Variants in DCUN1D4 observed in about 807,000 individuals in gnomAD.
DCUN1D4 encodes defective in cullin neddylation 1 domain containing 4, also known as DCN1-like protein 4.
Under a neutral mutation model 47.9 loss-of-function variants are expected in DCUN1D4, and 22 were observed. The ratio of observed to expected loss-of-function variants is 0.46; its 90% CI spans 0.33 to 0.66. The LOEUF is 0.66. DCUN1D4 is among the 30% of genes least tolerant of loss of function. The pLI, the probability that DCUN1D4 is intolerant of heterozygous loss-of-function variation, is 0.02. For missense variants in DCUN1D4, 301 were observed against 340.8 expected (o/e 0.88, Z 0.92); for synonymous variants, 121 against 112.2 (o/e 1.08, Z -0.50).
rs1021116905 is a variant in DCUN1D4, at chr4:51,916,779, A to G, written c.*3195A>G. 56 of 152,712 alleles carry G rather than the reference A, an allele frequency of 3.7e-4. No individual in the cohort carries two copies. Among genetic ancestry groups the G allele is most frequent in the African/African-American group, 9.9e-4 (41 of 41,578 alleles). 9.5% of individuals were successfully genotyped at this position (152,712 alleles called of 1,614,324 possible). ...TACAGCAAACTGGTTTTAGGTTTCA[A>G]TGACATTGATGTAAAATGATATCCC... On this transcript the variant is annotated 3_prime_UTR_variant, in exon 11 of 11. Coordinates refer to ENST00000334635, the MANE Select transcript of DCUN1D4 (RefSeq NM_001040402.3).
rs1240910906 is a variant in DCUN1D4 at position 51,915,052 on chromosome 4, G to A, written c.*1468G>A. The A allele has an allele frequency of 6.6e-6, 1 of 152,452 alleles. No individual in the cohort carries two copies. The highest frequency in any genetic ancestry group is 1.5e-5 in the Non-Finnish European group (1 of 67,974). 9.4% of individuals were successfully genotyped at this position (152,452 alleles called of 1,614,324 possible). A position where few individuals can be genotyped will look rare whatever the true frequency, so the allele number is the denominator to read the frequency against. ...ATGTGATGACTGGAAAAAGGTTTGGGTTATTTGGAACTCTGGCTAAAACTT... is the reference window on the plus strand; with the variant it reads ...ATGTGATGACTGGAAAAAGGTTTGGATTATTTGGAACTCTGGCTAAAACTT... On this transcript the variant is annotated 3_prime_UTR_variant, in exon 11 of 11. Transcript: ENST00000334635.
intron 1 of DCUN1D4, among the ~76,000 whole-genome samples, chr4:51,849,862 T>C (rs1310421098): frequency 2.6e-5 from 4 of 152,030 alleles, no homozygotes; most frequent in African/African-American, 9.7e-5. Context: ...TGTGTGTGTG[T>C]GCGTGTTTTA....
intron 8 of DCUN1D4, among the ~76,000 whole-genome samples, chr4:51,901,274 C>T (rs1427527483): frequency 6.6e-6 from 1 of 152,180 alleles, no homozygotes; most frequent in Admixed American, 6.5e-5. Context: ...CTCTGAGGGA[C>T]AGCCGGGGTG....
intron 8 of DCUN1D4, among the ~76,000 whole-genome samples, chr4:51,910,165 G>A (rs551943102): frequency 6.6e-6 from 1 of 152,260 alleles, no homozygotes; most frequent in South Asian, 2.1e-4. Flanking sequence ...AACACATGGA[G>A]GCTAGCTTTG....
intron 1 of DCUN1D4, among the ~76,000 whole-genome samples, chr4:51,857,942 T>C (rs1724401785): frequency 6.6e-6 from 1 of 152,184 alleles, no homozygotes; most frequent in African/African-American, 2.4e-5. Context: ...GATACAGCAA[T>C]GGGCAAGATT....
intron 1 of DCUN1D4, chr4:51,860,494 T>C (rs1291132234): frequency 2.3e-6 from 1 of 442,218 alleles, no homozygotes; most frequent in Non-Finnish European, 4.5e-6. Flanking sequence ...TACCTGAGAC[T>C]GGGTAATTTA....
the DCUN1D4 span, among the ~76,000 whole-genome samples, chr4:51,834,091 C>CTTTTTTTTTTTTTT: frequency 6.1e-5 from 3 of 49,528 alleles, no homozygotes; most frequent in African/African-American, 1.5e-4. Flanking sequence ...TCTCTCTTTT[C>CTTTTTTTTTTTTTT]TTTTCTTCTT....
intron 6 of DCUN1D4, 186 bp downstream of exon 6, chr4:51,886,824 G>A: frequency 1.7e-6 from 1 of 574,488 alleles, no homozygotes; most frequent in South Asian, 2.1e-5. Flanking sequence ...AAGTGATATG[G>A]TGTAACTACA....
At chr4:51,843,400 C>A in intron 1 of DCUN1D4, 133 bp downstream of exon 1, 16 of 1,299,464 alleles carry the variant, frequency 1.2e-5, no homozygotes, top group Admixed American at 3.9e-5. Context: ...ACCACCCCTT[C>A]CCCTCCCGGG....
In DCUN1D4 at chr4:51,895,559, TAAAAAAAAAAAAAAA is replaced by T. The variant is rs67542268; in HGVS notation, c.507-3696_507-3682del. Among the ~76,000 whole-genome samples, 3 of 88,500 alleles carry T rather than the reference TAAAAAAAAAAAAAAA, an allele frequency of 3.4e-5. No homozygotes were observed. The East Asian group carries it at 8.9e-4, about 26-fold the overall frequency. 58.1% of individuals were successfully genotyped at this position (88,500 alleles called of 152,430 possible). ...TTAAGCTAATTGTGGTGCTTAAACT[TAAAAAAAAAAAAAAA>T]AAAAAAAAAAAAAACAGTGACAATT... is the stretch of plus-strand genomic sequence containing the variant. On this transcript the variant is annotated intron_variant, in intron 7 of 10. Coordinates refer to ENST00000334635, the MANE Select transcript of DCUN1D4 (RefSeq NM_001040402.3).
intron 7 of DCUN1D4, among the ~76,000 whole-genome samples, chr4:51,897,522 G>A (rs1162918122): frequency 6.6e-6 from 1 of 152,224 alleles, no homozygotes; most frequent in Admixed American, 6.5e-5. Context: ...GGTGAAAATG[G>A]TGACTCTTGA....
intron 1 of DCUN1D4, 110 bp downstream of exon 1, chr4:51,843,377 C>G (rs1031048024): frequency 7.3e-6 from 10 of 1,376,564 alleles, no homozygotes; most frequent in Non-Finnish European, 9.5e-6. Flanking sequence ...GCGCCGGGAG[C>G]CCCTGCCTGG....
At chr4:51,898,647 C>T (rs1305795934) in intron 7 of DCUN1D4, among the ~76,000 whole-genome samples, 1 of 152,202 alleles carries the variant, frequency 6.6e-6, no homozygotes, top group Non-Finnish European at 1.5e-5. Context: ...GAAGGACACA[C>T]ATCTTGTCAG....
intron 1 of DCUN1D4, among the ~76,000 whole-genome samples, chr4:51,851,048 T>C (rs144044112): frequency 6.6e-6 from 1 of 152,322 alleles, no homozygotes; most frequent in East Asian, 1.9e-4. Flanking sequence ...TGCTTACAAT[T>C]ACTGTGTGAT....
At position 51,887,346 on chromosome 4, in the gene DCUN1D4, C is replaced by T. The variant is rs150804442; in HGVS notation, c.414+708C>T. On this transcript the variant is annotated intron_variant, in intron 6 of 10. Transcript: ENST00000334635. ...CTATCTCCTGACCTTGTGATCTGCC[C>T]GGCTCAGCCTCCCAAAGTGCTGGGA... 5.0e-3 allele frequency: 1,261 copies of T among 251,098 alleles called. 11 individuals carry two copies. Among genetic ancestry groups the T allele is most frequent in the Middle Eastern group, 0.024 (16 of 680 alleles). The allele number at this position is 251,098 out of a possible 1,614,324, so 15.6% of individuals were successfully genotyped here.
chr4:51,909,316 A>C lies in DCUN1D4; in HGVS notation c.616-1754A>C, dbSNP rs554256147. 8 of 212,438 alleles carry C rather than the reference A, an allele frequency of 3.8e-5. No individual in the cohort carries two copies. In the South Asian group the frequency reaches 5.0e-4, roughly 13 times the overall value. The allele number at this position is 212,438 out of a possible 1,614,324, so 13.2% of individuals were successfully genotyped here. On this transcript the variant is annotated intron_variant, in intron 8 of 10. Coordinates refer to ENST00000334635, the MANE Select transcript of DCUN1D4 (RefSeq NM_001040402.3). ...GCCAGTGTTGTCAGCCCAGTGCTGCATAAGCTGTTGTTCAACAAATGGACT... is the reference window on the plus strand; with the variant it reads ...GCCAGTGTTGTCAGCCCAGTGCTGCCTAAGCTGTTGTTCAACAAATGGACT...
Position 51,913,337 on chromosome 4 carries a change from A to C in DCUN1D4, c.768A>C (p.Leu256=). The C allele has an allele frequency of 1.9e-6, 3 of 1,612,886 alleles. 1 individual carries two copies. In the East Asian group the frequency reaches 6.7e-5, roughly 36 times the overall value. ...VINKDQWCNV[L]EFSRTINLDL... is the part of the protein sequence containing the mutation. The stretch of plus-strand genomic sequence containing the variant: ...ATAAAGACCAGTGGTGCAATGTCCT[A>C]GAGTTTAGCAGAACAATTAATCTTG... The change falls in exon 10 of 11, where the codon CTA becomes CTC. Residue 256 remains leucine, a synonymous_variant. Transcript: ENST00000334635.
intron 3 of DCUN1D4, among the ~76,000 whole-genome samples, chr4:51,866,324 T>A (rs1373539750): frequency 6.6e-6 from 1 of 152,214 alleles, no homozygotes; most frequent in African/African-American, 2.4e-5. Context: ...CCCCCACTAG[T>A]AGTCCACGTT....
the DCUN1D4 span, among the ~76,000 whole-genome samples, chr4:51,835,770 A>G: frequency 6.6e-6 from 1 of 151,952 alleles, no homozygotes; most frequent in African/African-American, 2.4e-5. Context: ...GGGTGGGGGT[A>G]CCTGTGTCTG....
Sources: allele counts gnomAD v4.1 joint callset (sites outside exome capture counted in the v4.1 genomes callset), GRCh38; gene constraint gnomAD v4.1.1; transcripts MANE v1.5; gene names NCBI Gene and HGNC (gene_info 2026-07-23, HGNC 2026-07-21).